The following CCNJL variants were observed in gnomAD, a reference collection of about 807,000 sequenced individuals.
The protein encoded by CCNJL is cyclin-J-like protein.
CCNJL carries 33 observed loss-of-function variants against 33.4 expected under a neutral mutation model. That is an observed-to-expected ratio of 0.99 (90% CI 0.75 to 1.32). The LOEUF (loss-of-function observed/expected upper bound fraction) is 1.32, where lower values mean the gene tolerates loss of function less well. CCNJL is among the 40% of genes most tolerant of loss of function. The pLI is 0.00. For missense variants in CCNJL, 512 were observed against 499.7 expected (o/e 1.02, Z -0.23); for synonymous variants, 227 against 220.9 (o/e 1.03, Z -0.24).
chr5:160,258,431 T>A, intron 4 of CCNJL: 1 of 931,304 alleles, frequency 1.1e-6, no homozygotes, highest in Non-Finnish European at 1.8e-6. Flanking sequence ...AATGACAGGA[T>A]GTTTCACATG....
chr5:160,281,972 A>G (rs1762230519), intron 2 of CCNJL, among the ~76,000 whole-genome samples: 1 of 152,236 alleles, frequency 6.6e-6, no homozygotes, highest in Non-Finnish European at 1.5e-5. Flanking sequence ...CTACTTGTTT[A>G]GGAAATGTCT....
intron 3 of CCNJL, among the ~76,000 whole-genome samples, chr5:160,267,348 G>T (rs1275933017): frequency 6.6e-6 from 1 of 151,980 alleles, no homozygotes; most frequent in Non-Finnish European, 1.5e-5. Context: ...GAAAGGTTGA[G>T]TTACCCCGAT....
At chr5:160,330,812 C>A (rs911565150) in intron 1 of CCNJL, among the ~76,000 whole-genome samples, 2 of 151,984 alleles carry the variant, frequency 1.3e-5, no homozygotes, top group South Asian at 2.1e-4. Flanking sequence ...TACAGGCATG[C>A]GCCATCATGC....
upstream of CCNJL, chr5:160,313,021 G>C (rs1203185455): frequency 6.6e-6 from 1 of 151,768 alleles, no homozygotes; most frequent in Non-Finnish European, 1.5e-5. Context: ...TTTCCAAACG[G>C]ACAATTCCAG....
At chr5:160,286,772 G>C (rs966978019) in intron 2 of CCNJL, among the ~76,000 whole-genome samples, 1 of 152,176 alleles carries the variant, frequency 6.6e-6, no homozygotes, top group African/African-American at 2.4e-5. Flanking sequence ...TTTGAAGCTA[G>C]AACACTGGCT....
In CCNJL at chr5:160,257,105, G is replaced by A. The variant is rs1223713299; in HGVS notation, c.584-1397C>T. Among the ~76,000 whole-genome samples the A allele has an allele frequency of 2.6e-5, 4 of 152,108 alleles. No homozygotes were observed. In the East Asian group the frequency reaches 5.8e-4, roughly 22 times the overall value. The stretch of plus-strand genomic sequence containing the variant: ...GGTTCAAATCCTAGCAATGAGCAGG[G>A]CATGGTAGCTCTCACTTGTAATCCC... On this transcript the variant is annotated intron_variant, in intron 4 of 5. Coordinates refer to ENST00000257536, the MANE Select transcript of CCNJL (RefSeq NM_001308173.3).
Position 160,265,412 on chromosome 5 carries a change from C to A in CCNJL, c.281-5641G>T, listed in dbSNP as rs982945562. Among the ~76,000 whole-genome samples the A allele has an allele frequency of 4.6e-5, 7 of 152,136 alleles. No individual in the cohort carries two copies. In the South Asian group the frequency reaches 8.3e-4, roughly 18 times the overall value. On this transcript the variant is annotated intron_variant, in intron 3 of 5. Coordinates refer to ENST00000257536, the MANE Select transcript of CCNJL (RefSeq NM_001308173.3). ...CAGCACTTTGGGAGACCGAAGCAGG[C>A]GGATCACGAGGTCAGAAGTTCAAGA... is the stretch of plus-strand genomic sequence containing the variant.
intron 2 of CCNJL, among the ~76,000 whole-genome samples, chr5:160,310,777 T>C (rs1763236448): frequency 6.6e-6 from 1 of 152,138 alleles, no homozygotes; most frequent in Non-Finnish European, 1.5e-5. Flanking sequence ...TAGCACCATG[T>C]GACAGTGGAG....
At position 160,271,607 on chromosome 5, in the gene CCNJL, C is replaced by T. The variant is rs558976357; in HGVS notation, c.280+8918G>A. ...CGCTCACTGTGCTGTGACATTCGAGCCCCGTGCCCAGATTTGCTCAGCATG... is the reference window on the plus strand; with the variant it reads ...CGCTCACTGTGCTGTGACATTCGAGTCCCGTGCCCAGATTTGCTCAGCATG... On this transcript the variant is annotated intron_variant, in intron 3 of 5. Coordinates refer to ENST00000257536, the MANE Select transcript of CCNJL (RefSeq NM_001308173.3). 7.2e-5 allele frequency among the ~76,000 whole-genome samples: 11 copies of T among 152,360 alleles called. No individual in the cohort carries two copies. The South Asian group carries it at 1.9e-3, about 26-fold the overall frequency.
At chr5:160,329,536 A>G (rs1763581279) in intron 1 of CCNJL, among the ~76,000 whole-genome samples, 1 of 151,926 alleles carries the variant, frequency 6.6e-6, no homozygotes, top group African/African-American at 2.4e-5. Flanking sequence ...TTTTTAGTAG[A>G]GATGGGGTTT....
intron 3 of CCNJL, among the ~76,000 whole-genome samples, chr5:160,266,200 C>T (rs1290908378): frequency 6.6e-6 from 1 of 152,266 alleles, no homozygotes; most frequent in African/African-American, 2.4e-5. Flanking sequence ...AGTCAGGTGG[C>T]AGGGACAGAA....
intron 1 of CCNJL, 24 bp from the exon 2 acceptor site, chr5:160,311,996 G>A (rs1763279314): frequency 1.4e-6 from 2 of 1,438,004 alleles, no homozygotes; most frequent in East Asian, 2.3e-5. Context: ...GGCAACTTCA[G>A]CGGCCAGAGC....
At chr5:160,301,005 G>T (rs1203227359) in intron 2 of CCNJL, among the ~76,000 whole-genome samples, 3 of 152,136 alleles carry the variant, frequency 2.0e-5, no homozygotes, top group African/African-American at 7.2e-5. Flanking sequence ...GATATGCAAG[G>T]TTCTTAAAAT....
chr5:160,268,893 C>T (rs910396347), intron 3 of CCNJL, among the ~76,000 whole-genome samples: 3 of 152,134 alleles, frequency 2.0e-5, no homozygotes, highest in African/African-American at 7.3e-5. Context: ...CAAGAAAAAG[C>T]TCTCTTCTTC....
chr5:160,286,948 A>C (rs72812242), intron 2 of CCNJL, among the ~76,000 whole-genome samples: 9,299 of 152,276 alleles, frequency 0.061, 414 homozygotes, highest in Non-Finnish European at 0.093. Flanking sequence ...TGTAGCTGGC[A>C]CAGATGCAGA....
At chr5:160,308,915 T>A (rs557055434) in intron 2 of CCNJL, among the ~76,000 whole-genome samples, 3 of 152,188 alleles carry the variant, frequency 2.0e-5, no homozygotes, top group Non-Finnish European at 4.4e-5. Context: ...AAACACAGAA[T>A]CCAAATAGAG....
chr5:160,334,674 T>C (rs1208391179), intron 1 of CCNJL, among the ~76,000 whole-genome samples: 1 of 152,224 alleles, frequency 6.6e-6, no homozygotes, highest in Non-Finnish European at 1.5e-5. Flanking sequence ...ACCACTACAC[T>C]GGCCTCTCGG....
At chr5:160,294,067 C>T (rs752450479) in intron 2 of CCNJL, among the ~76,000 whole-genome samples, 12 of 152,094 alleles carry the variant, frequency 7.9e-5, no homozygotes, top group Admixed American at 2.0e-4. Context: ...TGAAGAAACA[C>T]CATGTGTAAC....
At chr5:160,254,325 T>C (rs1685482851) in intron 5 of CCNJL, 3 of 670,774 alleles carry the variant, frequency 4.5e-6, no homozygotes, top group Non-Finnish European at 8.1e-6. Flanking sequence ...ATTTTTCATC[T>C]GAAAAGGGGG....
Sources: allele counts gnomAD v4.1 joint callset (sites outside exome capture counted in the v4.1 genomes callset), GRCh38; gene constraint gnomAD v4.1.1; transcripts MANE v1.5; gene names NCBI Gene and HGNC (gene_info 2026-07-23, HGNC 2026-07-21).